The following PRPF18 variants were observed in gnomAD, a reference collection of about 807,000 sequenced individuals.
The protein encoded by PRPF18 is pre-mRNA processing factor 18.
PRPF18 carries 38 observed loss-of-function variants against 46.5 expected under a neutral mutation model. The ratio of observed to expected loss-of-function variants is 0.82; its 90% CI spans 0.63 to 1.07. The LOEUF (loss-of-function observed/expected upper bound fraction) is 1.07, where lower values mean the gene tolerates loss of function less well. PRPF18 is among the 50% of genes least tolerant of loss of function. The pLI is 0.00. For synonymous variants in PRPF18, 152 were observed against 146.7 expected (o/e 1.04, Z -0.26); for missense variants, 263 against 410.0 (o/e 0.64, Z 3.10).
intron 9 of PRPF18, among the ~76,000 whole-genome samples, 192 bp downstream of exon 9, chr10:13,616,745 A>G (rs925591202): frequency 6.6e-6 from 1 of 152,198 alleles, no homozygotes; most frequent in Non-Finnish European, 1.5e-5. Flanking sequence ...CAACTTTCAT[A>G]TATGTTGGAA....
chr10:13,643,515 G>GA, the PRPF18 span: 1 of 152,394 alleles, frequency 6.6e-6, no homozygotes, highest in East Asian at 1.9e-4. Context: ...GAATAAGAGG[G>GA]AATTCACCTC....
chr10:13,619,149 GC>G (rs1405440992), intron 9 of PRPF18, among the ~76,000 whole-genome samples: 1 of 152,196 alleles, frequency 6.6e-6, no homozygotes, highest in Non-Finnish European at 1.5e-5. Context: ...TAATTCTCTT[GC>G]CCTCTGCTCA....
chr10:13,647,621 T>C, the PRPF18 span: 2 of 152,172 alleles, frequency 1.3e-5, no homozygotes, highest in African/African-American at 4.8e-5. Flanking sequence ...GTTTTAAAAG[T>C]TTAAAAAAAA....
chr10:13,634,463 C>T (rs999587827), downstream of PRPF18, among the ~76,000 whole-genome samples: 7 of 152,354 alleles, frequency 4.6e-5, no homozygotes, highest in South Asian at 4.1e-4. Flanking sequence ...TCCTGCAATC[C>T]GCTGTCCTGG....
intron 2 of PRPF18, chr10:13,597,797 ATTTT>A (rs763220872): frequency 2.3e-6 from 1 of 435,168 alleles, no homozygotes. Flanking sequence ...CAAAGCTTGA[ATTTT>A]TTTTTTTTTT....
intron 1 of PRPF18, among the ~76,000 whole-genome samples, chr10:13,590,634 A>G (rs2079946969): frequency 6.7e-6 from 1 of 149,364 alleles, no homozygotes; most frequent in Non-Finnish European, 1.5e-5. Context: ...AAAAAAAAAA[A>G]AAAATACTGA....
At chr10:13,623,790 C>T (rs1394798541) in intron 9 of PRPF18, among the ~76,000 whole-genome samples, 2 of 151,936 alleles carry the variant, frequency 1.3e-5, no homozygotes, top group Non-Finnish European at 2.9e-5. Context: ...TTGATTTCTC[C>T]GGATATAAAG....
chr10:13,627,752 G>T (rs1354656973), intron 9 of PRPF18, among the ~76,000 whole-genome samples: 2 of 152,196 alleles, frequency 1.3e-5, no homozygotes, highest in Admixed American at 6.5e-5. Flanking sequence ...AATCTGCTTA[G>T]TGAGTATAAA....
At chr10:13,628,099 C>A (rs528385739) in intron 9 of PRPF18, among the ~76,000 whole-genome samples, 1 of 152,234 alleles carries the variant, frequency 6.6e-6, no homozygotes, top group East Asian at 1.9e-4. Context: ...GTCTTTATCC[C>A]AAAGCAAATA....
chr10:13,620,271 A>G (rs1257375321), intron 9 of PRPF18, among the ~76,000 whole-genome samples: 1 of 152,236 alleles, frequency 6.6e-6, no homozygotes, highest in African/African-American at 2.4e-5. Context: ...CAGTAAAACC[A>G]TGTAGAAAAG....
chr10:13,606,754 A>AAAAAAAC (rs2080191710), intron 4 of PRPF18, among the ~76,000 whole-genome samples: 1 of 151,626 alleles, frequency 6.6e-6, no homozygotes, highest in Non-Finnish European at 1.5e-5. Flanking sequence ...AAAAAAAAAA[A>AAAAAAAC]AAAACAGGGA....
intron 4 of PRPF18, among the ~76,000 whole-genome samples, chr10:13,606,853 C>A (rs1273007037): frequency 1.3e-5 from 2 of 151,186 alleles, no homozygotes; most frequent in East Asian, 3.9e-4. Flanking sequence ...TGGGGAGATA[C>A]CTAGAAGTAG....
chr10:13,651,024 C>T, the PRPF18 span: 1 of 152,236 alleles, frequency 6.6e-6, no homozygotes, highest in African/African-American at 2.4e-5. Flanking sequence ...AATTTGATTT[C>T]AAGCCCTTGT....
intron 1 of PRPF18, chr10:13,591,837 C>T (rs191508783): frequency 1.1e-3 from 1,618 of 1,432,062 alleles, no homozygotes; most frequent in Admixed American, 1.9e-3. Flanking sequence ...TCAGGAAGAC[C>T]GCCCTCTTGC....
At chr10:13,611,560 A>G (rs2080269253) in intron 5 of PRPF18, 55 bp from the exon 6 acceptor site, 1 of 1,391,824 alleles carries the variant, frequency 7.2e-7, no homozygotes, top group Non-Finnish European at 1.0e-6. Context: ...GGTAATATAT[A>G]TGTTTAGTTG....
Position 13,613,796 on chromosome 10 carries a change from G to T in PRPF18, c.635G>T (p.Arg212Leu). Residue 212 changes from arginine to leucine, a missense_variant, in exon 7 of 10, where the codon CGC becomes CTC. By Grantham distance (102) the Arg-to-Leu change is moderately radical (BLOSUM62 -2). Coordinates refer to ENST00000378572, the MANE Select transcript of PRPF18 (RefSeq NM_003675.4). ...ELNAREDYVK[R>L]SVQGKLNSAT... ...AATGCCAGAGAAGATTATGTGAAACGCAGTGTGCAGGGTAAACTGAACAGT... is the reference window on the plus strand; with the variant it reads ...AATGCCAGAGAAGATTATGTGAAACTCAGTGTGCAGGGTAAACTGAACAGT... 1 of 1,613,968 alleles carries T rather than the reference G, an allele frequency of 6.2e-7. No homozygotes were observed. Among genetic ancestry groups the T allele is most frequent in the Non-Finnish European group, 8.5e-7 (1 of 1,179,922 alleles).
rs149621314 is a variant in PRPF18, at chr10:13,601,245, C to T, written c.249+897C>T. Among the ~76,000 whole-genome samples the T allele has an allele frequency of 5.5e-4, 84 of 152,208 alleles. No homozygotes were observed. In the South Asian group the frequency reaches 0.011, roughly 21 times the overall value. ...AGCATGATTTTTAGGGCAAAGACTA[C>T]GTATATTTTTAAGACTTGATATATA... On this transcript the variant is annotated intron_variant, in intron 3 of 9. Coordinates refer to ENST00000378572, the MANE Select transcript of PRPF18 (RefSeq NM_003675.4).
the PRPF18 span, chr10:13,644,896 C>T: frequency 8.5e-5 from 13 of 152,300 alleles, no homozygotes; most frequent in East Asian, 3.9e-4. Flanking sequence ...ATAATGTAAC[C>T]GGTATCTCTT....
chr10:13,601,665 T>C (rs948315924), intron 3 of PRPF18, among the ~76,000 whole-genome samples: 1 of 152,174 alleles, frequency 6.6e-6, no homozygotes, highest in Non-Finnish European at 1.5e-5. Flanking sequence ...GGGGTGTGTG[T>C]GTATGAACAT....
Sources: allele counts gnomAD v4.1 joint callset (sites outside exome capture counted in the v4.1 genomes callset), GRCh38; gene constraint gnomAD v4.1.1; transcripts MANE v1.5; gene names NCBI Gene and HGNC (gene_info 2026-07-23, HGNC 2026-07-21).